The following ZNF280D variants were observed in gnomAD, a reference collection of about 807,000 sequenced individuals.
ZNF280D encodes the protein suppressor of hairy wing homolog 4.
Under a neutral mutation model 94.7 loss-of-function variants are expected in ZNF280D, and 39 were observed. The observed-to-expected ratio is 0.41, with a 90% CI of 0.32 to 0.54. The LOEUF (loss-of-function observed/expected upper bound fraction) is 0.54, where lower values mean the gene tolerates loss of function less well. Among genes scored for constraint, ZNF280D ranks in the 20% least tolerant of loss-of-function variants. ZNF280D has a pLI of 0.22. For synonymous variants in ZNF280D, 398 were observed against 377.6 expected (o/e 1.05, Z -0.63); for missense variants, 1,090 against 1,149.3 (o/e 0.95, Z 0.75).
chr15:56,680,638 G>A (rs1215025962), intron 10 of ZNF280D, among the ~76,000 whole-genome samples: 2 of 136,490 alleles, frequency 1.5e-5, no homozygotes, highest in South Asian at 2.1e-4. Context: ...CACCACGCCC[G>A]GCAAACTTTT....
At chr15:56,705,075 A>G (rs2057325422) in intron 3 of ZNF280D, among the ~76,000 whole-genome samples, 1 of 152,134 alleles carries the variant, frequency 6.6e-6, no homozygotes, top group African/African-American at 2.4e-5. Context: ...ATTAAAGGCA[A>G]AGTAGATATT....
intron 14 of ZNF280D, among the ~76,000 whole-genome samples, chr15:56,667,433 C>T (rs971878430): frequency 5.3e-5 from 8 of 152,152 alleles, no homozygotes; most frequent in African/African-American, 1.7e-4. Context: ...TCTCCTCTTT[C>T]CAGGGGCTCA....
chr15:56,636,100 C>G (rs1369914197), intron 20 of ZNF280D, among the ~76,000 whole-genome samples: 1 of 152,126 alleles, frequency 6.6e-6, no homozygotes, highest in Non-Finnish European at 1.5e-5. Context: ...TACTCACCGT[C>G]TCAAAACTCT....
intron 19 of ZNF280D, chr15:56,653,300 A>G: frequency 8.2e-7 from 1 of 1,216,372 alleles, no homozygotes; most frequent in Non-Finnish European, 1.0e-6. Flanking sequence ...TTTCTTGGTC[A>G]TAACTGACTC....
At chr15:56,667,120 C>T in intron 14 of ZNF280D, 134 bp from the exon 15 acceptor site, 1 of 603,110 alleles carries the variant, frequency 1.7e-6, no homozygotes, top group South Asian at 3.2e-5. Context: ...GTAAGTCTCC[C>T]ATTTATTCTA....
In ZNF280D at chr15:56,684,193, T is replaced by A. The variant is rs531033536; in HGVS notation, c.781-1716A>T. On this transcript the variant is annotated intron_variant, in intron 9 of 21. Transcript: ENST00000267807. ...AAGCTGTTTAAACCAGCTAGCAAGC[T>A]GTGAGACTATCCTGGCAACCTATGC... is the stretch of plus-strand genomic sequence containing the variant. Among the ~76,000 whole-genome samples the A allele has an allele frequency of 5.9e-5, 9 of 152,314 alleles. No individual in the cohort carries two copies. In the East Asian group the frequency reaches 1.7e-3, roughly 29 times the overall value.
chr15:56,728,028 TAATAC>T (rs2058712303), intron 1 of ZNF280D, among the ~76,000 whole-genome samples: 1 of 147,442 alleles, frequency 6.8e-6, no homozygotes, highest in South Asian at 2.1e-4. Flanking sequence ...AAATTTTACT[TAATAC>T]ATTTTTTTTT....
chr15:56,657,422 C>A (rs560809469), intron 17 of ZNF280D, among the ~76,000 whole-genome samples: 2 of 152,040 alleles, frequency 1.3e-5, no homozygotes, highest in Non-Finnish European at 1.5e-5. Flanking sequence ...GCTTAGCTAT[C>A]TTTTTAATAT....
At chr15:56,706,802 T>C (rs1224127961) in intron 3 of ZNF280D, among the ~76,000 whole-genome samples, 11 of 152,168 alleles carry the variant, frequency 7.2e-5, no homozygotes, top group African/African-American at 2.7e-4. Context: ...CTTTATAATT[T>C]TTTTAGAAAT....
chr15:56,708,116 T>C (rs1240875939), intron 1 of ZNF280D, among the ~76,000 whole-genome samples: 1 of 152,066 alleles, frequency 6.6e-6, no homozygotes, highest in Non-Finnish European at 1.5e-5. Flanking sequence ...CTGGAATATA[T>C]AACTAATTCA....
chr15:56,648,128 T>C (rs1203941147), intron 19 of ZNF280D, among the ~76,000 whole-genome samples: 1 of 152,102 alleles, frequency 6.6e-6, no homozygotes, highest in Non-Finnish European at 1.5e-5. Context: ...TCCTCTCCTG[T>C]GAACCAGGCT....
At position 56,668,959 on chromosome 15, in the gene ZNF280D, T is replaced by A; in HGVS notation, c.1411-2A>T. The A allele has an allele frequency of 6.2e-7, 1 of 1,600,904 alleles. No individual in the cohort carries two copies. The highest frequency in any genetic ancestry group is 8.5e-7 in the Non-Finnish European group (1 of 1,176,060). On this transcript the variant is annotated splice_acceptor_variant, in intron 13 of 21. Transcript: ENST00000267807. LOFTEE classifies it high-confidence loss of function. ...TGTACAACGATGTATTCCTTTTTTC[T>A]GTTTAGAAAAAAACAGAAAAAGGGG...
chr15:56,674,483 T>C (rs1395250439), intron 13 of ZNF280D, among the ~76,000 whole-genome samples: 1 of 152,100 alleles, frequency 6.6e-6, no homozygotes, highest in Non-Finnish European at 1.5e-5. Flanking sequence ...TCTTACTATA[T>C]GTAATTTCTA....
intron 6 of ZNF280D, chr15:56,699,196 C>A (rs1443128564): frequency 5.4e-6 from 1 of 185,044 alleles, no homozygotes; most frequent in Non-Finnish European, 1.0e-5. Flanking sequence ...CAGGCCAACA[C>A]AAATAAATAA....
chr15:56,664,929 G>T (rs2054186398), intron 16 of ZNF280D, among the ~76,000 whole-genome samples: 1 of 152,122 alleles, frequency 6.6e-6, no homozygotes, highest in African/African-American at 2.4e-5. Flanking sequence ...AAATTAAGAT[G>T]GGTGCTACTA....
chr15:56,700,263 C>A, intron 6 of ZNF280D: 1 of 729,134 alleles, frequency 1.4e-6, no homozygotes, highest in Non-Finnish European at 1.7e-6. Context: ...CCAGATCCAT[C>A]AACTGCCAGC....
intron 17 of ZNF280D, among the ~76,000 whole-genome samples, chr15:56,657,038 A>C (rs1413096325): frequency 1.3e-5 from 2 of 152,172 alleles, no homozygotes; most frequent in East Asian, 3.8e-4. Context: ...CCTCTTCTAC[A>C]TTTTCCACTA....
intron 13 of ZNF280D, among the ~76,000 whole-genome samples, chr15:56,676,131 T>C (rs147249724): frequency 1.3e-5 from 2 of 152,190 alleles, no homozygotes; most frequent in Admixed American, 1.3e-4. Flanking sequence ...CCAGAGTTCA[T>C]ATACTGATCA....
chr15:56,684,148 G>A (rs2055833213), intron 9 of ZNF280D, among the ~76,000 whole-genome samples: 1 of 152,126 alleles, frequency 6.6e-6, no homozygotes, highest in African/African-American at 2.4e-5. Flanking sequence ...ACAATTGCAG[G>A]AAGCCTTCTG....
Sources: allele counts gnomAD v4.1 joint callset (sites outside exome capture counted in the v4.1 genomes callset), GRCh38; gene constraint gnomAD v4.1.1; transcripts MANE v1.5; gene names NCBI Gene and HGNC (gene_info 2026-07-23, HGNC 2026-07-21).